The following PTPRD variants were observed in gnomAD, a reference collection of about 807,000 sequenced individuals.
PTPRD encodes the protein protein tyrosine phosphatase receptor type D.
PTPRD carries 34 observed loss-of-function variants against 214.5 expected under a neutral mutation model. That is an observed-to-expected ratio of 0.16 (90% confidence interval 0.12 to 0.21). The LOEUF (loss-of-function observed/expected upper bound fraction) is 0.21, where lower values mean the gene tolerates loss of function less well. Ranked by LOEUF, PTPRD falls within the 10% of genes least tolerant of loss-of-function variation. The probability of loss-of-function intolerance (pLI) is 1.00; values close to 1 mark genes in which losing one functional copy is unlikely to be tolerated. For synonymous variants in PTPRD, 1,128 were observed against 845.7 expected (o/e 1.33, Z -5.79); for missense variants, 2,545 against 2,398.7 (o/e 1.06, Z -1.27).
chr9:9,803,948 G>C (rs997905966), intron 5 of PTPRD, among the ~76,000 whole-genome samples: 2 of 151,912 alleles, frequency 1.3e-5, no homozygotes, highest in African/African-American at 4.8e-5. Context: ...GAAGTTTATG[G>C]GTGCCTATCT....
chr9:9,001,743 T>C (rs775448627), intron 11 of PTPRD, among the ~76,000 whole-genome samples: 1 of 152,066 alleles, frequency 6.6e-6, no homozygotes, highest in African/African-American at 2.4e-5. Flanking sequence ...AATCAACTTT[T>C]GGAGCCTACT....
chr9:10,154,711 C>T (rs1344387134), intron 3 of PTPRD, among the ~76,000 whole-genome samples: 13 of 151,954 alleles, frequency 8.6e-5, no homozygotes, highest in Admixed American at 8.5e-4. Flanking sequence ...AATAGGGATC[C>T]CTTTCCCCAT....
At chr9:8,807,676 C>T (rs979197174) in intron 11 of PTPRD, among the ~76,000 whole-genome samples, 4 of 151,684 alleles carry the variant, frequency 2.6e-5, no homozygotes, top group African/African-American at 9.7e-5. Context: ...AATCATCACC[C>T]TTTTAGATAT....
At chr9:9,263,697 A>G (rs533154127) in intron 9 of PTPRD, among the ~76,000 whole-genome samples, 1 of 151,860 alleles carries the variant, frequency 6.6e-6, no homozygotes, top group Admixed American at 6.6e-5. Flanking sequence ...AAGATATTAA[A>G]TAATATGAAA....
At chr9:9,609,507 G>A (rs2094397460) in intron 7 of PTPRD, among the ~76,000 whole-genome samples, 2 of 152,206 alleles carry the variant, frequency 1.3e-5, no homozygotes, top group East Asian at 1.9e-4. Context: ...CTGTAGCCCA[G>A]GGTAGAGTGC....
chr9:9,769,621 C>T (rs935705619), intron 5 of PTPRD, among the ~76,000 whole-genome samples: 6 of 150,828 alleles, frequency 4.0e-5, no homozygotes, highest in African/African-American at 9.8e-5. Flanking sequence ...CCACCGTGCC[C>T]GGCCACCAGA....
At chr9:8,813,071 T>C (rs759509056) in intron 11 of PTPRD, among the ~76,000 whole-genome samples, 32 of 152,138 alleles carry the variant, frequency 2.1e-4, no homozygotes, top group Non-Finnish European at 3.8e-4. Context: ...GGCAGGAAGG[T>C]CATGCCTGGC....
At chr9:9,444,774 T>G (rs1436201360) in intron 8 of PTPRD, among the ~76,000 whole-genome samples, 2 of 152,194 alleles carry the variant, frequency 1.3e-5, no homozygotes, top group Non-Finnish European at 2.9e-5. Context: ...TTCTAGTAAC[T>G]TTTATATTTT....
chr9:8,367,843 T>G (rs1352962588), intron 39 of PTPRD, among the ~76,000 whole-genome samples: 1 of 152,178 alleles, frequency 6.6e-6, no homozygotes, highest in Non-Finnish European at 1.5e-5. Context: ...TGTAACAGGC[T>G]AATGAATCAC....
chr9:8,436,172 T>C (rs564478472), intron 35 of PTPRD, among the ~76,000 whole-genome samples: 38 of 152,132 alleles, frequency 2.5e-4, no homozygotes, highest in African/African-American at 9.1e-4. Flanking sequence ...CAGTAGATAA[T>C]AGAGTGGTGA....
At chr9:8,944,776 A>G (rs916699979) in intron 11 of PTPRD, among the ~76,000 whole-genome samples, 2 of 151,976 alleles carry the variant, frequency 1.3e-5, no homozygotes, top group African/African-American at 2.4e-5. Flanking sequence ...TGAAATAAGG[A>G]TGATTAATGG....
chr9:9,647,098 C>A (rs1020919178), intron 7 of PTPRD, among the ~76,000 whole-genome samples: 1 of 152,046 alleles, frequency 6.6e-6, no homozygotes, highest in Non-Finnish European at 1.5e-5. Flanking sequence ...ATAAATTTTT[C>A]GGGTCTGTTG....
At chr9:9,482,913 A>G (rs1054642148) in intron 8 of PTPRD, among the ~76,000 whole-genome samples, 3 of 152,274 alleles carry the variant, frequency 2.0e-5, no homozygotes, top group Admixed American at 1.3e-4. Flanking sequence ...TGCTTCTAAC[A>G]TGTAGACGCT....
rs79638875 is a variant in PTPRD at position 10,256,685 on chromosome 9, C to G, written c.-545+84278G>C. The stretch of plus-strand genomic sequence containing the variant: ...GACCAAGTCTCCGTCCCATTAAAGT[C>G]TTAAGTGACTGCCTTTGCCACTAAC... On this transcript the variant is annotated intron_variant, in intron 3 of 45. Transcript: ENST00000381196. 1.9e-4 allele frequency among the ~76,000 whole-genome samples: 29 copies of G among 152,286 alleles called. No individual in the cohort carries two copies. The East Asian group carries it at 5.6e-3, about 29-fold the overall frequency.
intron 4 of PTPRD, among the ~76,000 whole-genome samples, chr9:9,963,979 T>C (rs1485154171): frequency 7.4e-6 from 1 of 134,936 alleles, no homozygotes; most frequent in East Asian, 2.3e-4. Flanking sequence ...CATGCATTAA[T>C]ATATATGAAT....
chr9:9,183,892 T>C (rs1202608888), intron 9 of PTPRD, among the ~76,000 whole-genome samples: 1 of 152,026 alleles, frequency 6.6e-6, no homozygotes, highest in Non-Finnish European at 1.5e-5. Flanking sequence ...AAGCATTACA[T>C]TTATGTTTAA....
At chr9:9,512,210 G>A (rs2096726064) in intron 8 of PTPRD, among the ~76,000 whole-genome samples, 2 of 151,752 alleles carry the variant, frequency 1.3e-5, no homozygotes. Context: ...CATGATTAGC[G>A]ATTGAAAACA....
At chr9:8,384,475 T>A (rs947470905) in intron 37 of PTPRD, among the ~76,000 whole-genome samples, 1 of 152,176 alleles carries the variant, frequency 6.6e-6, no homozygotes, top group African/African-American at 2.4e-5. Context: ...CTGATCTGTG[T>A]GTTTCAGCAG....
At chr9:8,439,838 T>C (rs1279220537) in intron 34 of PTPRD, among the ~76,000 whole-genome samples, 1 of 152,078 alleles carries the variant, frequency 6.6e-6, no homozygotes, top group Admixed American at 6.6e-5. Flanking sequence ...TGGTACCTTT[T>C]CAATGTTTTG....
Sources: allele counts gnomAD v4.1 joint callset (sites outside exome capture counted in the v4.1 genomes callset), GRCh38; gene constraint gnomAD v4.1.1; transcripts MANE v1.5; gene names NCBI Gene and HGNC (gene_info 2026-07-23, HGNC 2026-07-21).